The following SGPP1 variants were observed in gnomAD, a reference collection of about 807,000 sequenced individuals.
SGPP1 encodes sphingosine-1-phosphate phosphatase 1.
Under a neutral mutation model 33.0 loss-of-function variants are expected in SGPP1, and 21 were observed. The ratio of observed to expected loss-of-function variants is 0.64; its 90% confidence interval spans 0.45 to 0.92. SGPP1 has a LOEUF of 0.92. Among genes scored for constraint, SGPP1 ranks in the 40% least tolerant of loss-of-function variants. SGPP1 has a pLI of 0.00. For synonymous variants in SGPP1, 239 were observed against 241.2 expected, an observed-to-expected ratio of 0.99 and a Z score of 0.08; for missense variants, 543 against 589.4, an observed-to-expected ratio of 0.92 and a Z score of 0.81.
intron 1 of SGPP1, among the ~76,000 whole-genome samples, chr14:63,716,002 A>C (rs1031691983): frequency 9.9e-5 from 15 of 152,218 alleles, no homozygotes; most frequent in Admixed American, 8.5e-4. Context: ...CAAACCTAGA[A>C]GGATTTAAAC....
intron 1 of SGPP1, among the ~76,000 whole-genome samples, chr14:63,704,710 A>T (rs1022125552): frequency 6.6e-6 from 1 of 152,200 alleles, no homozygotes; most frequent in African/African-American, 2.4e-5. Context: ...CTTTAAAAAA[A>T]TTTTTAAAAG....
At position 63,684,622 on chromosome 14, in the gene SGPP1, TA is replaced by T. The variant is rs534202727; in HGVS notation, c.*1482del. Reference sequence around the variant, plus strand: ...CCCAAAATAGAAACATCTGAAGTGATAGTTCTGGATAATCATACAGATATTG... The same window carrying T: ...CCCAAAATAGAAACATCTGAAGTGATGTTCTGGATAATCATACAGATATTG... On this transcript the variant is annotated 3_prime_UTR_variant, in exon 3 of 3. Coordinates refer to ENST00000247225, the MANE Select transcript of SGPP1 (RefSeq NM_030791.4). 12 of 152,626 alleles carry T rather than the reference TA, an allele frequency of 7.9e-5. 1 individual carries two copies. The South Asian group carries it at 2.5e-3, about 32-fold the overall frequency. The allele number at this position is 152,626 out of a possible 1,614,324, so 9.5% of individuals were successfully genotyped here.
intron 2 of SGPP1, among the ~76,000 whole-genome samples, chr14:63,688,922 C>T (rs1037672818): frequency 9.9e-5 from 15 of 151,926 alleles, no homozygotes; most frequent in African/African-American, 2.4e-4. Context: ...GGGGTTTCAC[C>T]GTGTTAGCCA....
chr14:63,714,222 T>C (rs774073509), intron 1 of SGPP1, among the ~76,000 whole-genome samples: 3 of 152,198 alleles, frequency 2.0e-5, no homozygotes, highest in Admixed American at 1.3e-4. Context: ...TTGTGAAAGA[T>C]AAAATTTCTT....
chr14:63,700,005 A>C (rs1244835036), intron 1 of SGPP1, among the ~76,000 whole-genome samples: 1 of 151,814 alleles, frequency 6.6e-6, no homozygotes, highest in African/African-American at 2.4e-5. Flanking sequence ...CTCTGTCACC[A>C]AGGCTGATGT....
At chr14:63,699,750 G>T (rs1343901933) in intron 1 of SGPP1, among the ~76,000 whole-genome samples, 3 of 146,684 alleles carry the variant, frequency 2.0e-5, no homozygotes, top group Non-Finnish European at 3.0e-5. Context: ...GGTTGTTGTT[G>T]TTTTTTTTAC....
Position 63,709,065 on chromosome 14 carries a change from T to C in SGPP1, c.685-10407A>G, listed in dbSNP as rs150967976. On this transcript the variant is annotated intron_variant, in intron 1 of 2. Transcript: ENST00000247225. ...AATAAAAATTTCATCTAATTAGAGG[T>C]AGAAGAGAGCTTAAAGATACTAATT... Among the ~76,000 whole-genome samples, 114 of 152,276 alleles carry C rather than the reference T, an allele frequency of 7.5e-4. 2 individuals carry two copies. The East Asian group carries it at 0.013, about 17-fold the overall frequency.
At chr14:63,702,090 A>C (rs1885311995) in intron 1 of SGPP1, among the ~76,000 whole-genome samples, 1 of 152,188 alleles carries the variant, frequency 6.6e-6, no homozygotes, top group South Asian at 2.1e-4. Flanking sequence ...TCACCTATAG[A>C]GTCTCAGAAG....
At chr14:63,694,799 A>G (rs1169300690) in intron 2 of SGPP1, among the ~76,000 whole-genome samples, 3 of 152,186 alleles carry the variant, frequency 2.0e-5, no homozygotes, top group Admixed American at 6.5e-5. Context: ...TTTAGCAAAT[A>G]ATTTTAGCTA....
At chr14:63,694,307 C>T (rs1406337133) in intron 2 of SGPP1, among the ~76,000 whole-genome samples, 1 of 151,592 alleles carries the variant, frequency 6.6e-6, no homozygotes, top group Admixed American at 6.6e-5. Flanking sequence ...AGAAAAAATT[C>T]ATTAAATGTC....
At chr14:63,712,320 T>C (rs892400975) in intron 1 of SGPP1, among the ~76,000 whole-genome samples, 2 of 152,158 alleles carry the variant, frequency 1.3e-5, no homozygotes, top group Admixed American at 6.6e-5. Flanking sequence ...ACTTCTGGCT[T>C]CCCTCTGTAC....
At chr14:63,687,940 G>T (rs545131013) in intron 2 of SGPP1, among the ~76,000 whole-genome samples, 40 of 152,204 alleles carry the variant, frequency 2.6e-4, no homozygotes, top group Middle Eastern at 6.8e-3. Context: ...GGCCAACATG[G>T]TGAAACCCTG....
At chr14:63,712,459 T>C (rs1193098808) in intron 1 of SGPP1, among the ~76,000 whole-genome samples, 1 of 152,084 alleles carries the variant, frequency 6.6e-6, no homozygotes, top group Admixed American at 6.6e-5. Flanking sequence ...CCACAGCTAC[T>C]TGGATCAGGA....
intron 2 of SGPP1, among the ~76,000 whole-genome samples, chr14:63,689,490 T>C (rs1885051506): frequency 6.6e-6 from 1 of 152,050 alleles, no homozygotes; most frequent in African/African-American, 2.4e-5. Context: ...ACCACATATC[T>C]TCAAGCAAAA....
In SGPP1 at chr14:63,727,657, C is replaced by T. The variant is rs1885916777; in HGVS notation, c.288G>A (p.Glu96=). 8.9e-6 allele frequency: 12 copies of T among 1,346,392 alleles called. No individual in the cohort carries two copies. The highest frequency in any genetic ancestry group is 1.1e-5 in the Non-Finnish European group (12 of 1,057,428). The allele number at this position is 1,346,392 out of a possible 1,614,324, so 83.4% of individuals were successfully genotyped here. The stretch of plus-strand genomic sequence containing the variant: ...CGCGCCGCGGCGAGGCCGGGCCCAG[C>T]TCGGCCGCCAGCCCGTTCCGCACGC... ...PNGVRNGLAA[E]LGPASPRRAG... Residue 96 remains glutamate, a synonymous_variant, in exon 1 of 3, where the codon GAG becomes GAA. Transcript: ENST00000247225.
At chr14:63,700,684 A>G (rs1885278913) in intron 1 of SGPP1, among the ~76,000 whole-genome samples, 1 of 152,198 alleles carries the variant, frequency 6.6e-6, no homozygotes. Flanking sequence ...ACATGGAGAA[A>G]ATAAAAAGAG....
rs1338534298 is a variant in SGPP1, at chr14:63,727,988, C to T, written c.-44G>A. The T allele has an allele frequency of 6.7e-7, 1 of 1,499,914 alleles. No individual in the cohort carries two copies. Among genetic ancestry groups the T allele is most frequent in the Non-Finnish European group, 8.8e-7 (1 of 1,132,262 alleles). The allele number at this position is 1,499,914 out of a possible 1,614,324, so 92.9% of individuals were successfully genotyped here. A position where few individuals can be genotyped will look rare whatever the true frequency, so the allele number is the denominator to read the frequency against. On this transcript the variant is annotated 5_prime_UTR_variant, in exon 1 of 3. Transcript: ENST00000247225. Reference sequence around the variant, plus strand: ...AAGGCGGGCCGGCCTCCGGCGCAGCCCCGAACTGTCCCCGCGCTCCTGGCC... The same window carrying T: ...AAGGCGGGCCGGCCTCCGGCGCAGCTCCGAACTGTCCCCGCGCTCCTGGCC...
intron 1 of SGPP1, among the ~76,000 whole-genome samples, chr14:63,711,408 A>G (rs1885520148): frequency 6.6e-6 from 1 of 152,222 alleles, no homozygotes; most frequent in Admixed American, 6.5e-5. Flanking sequence ...CCAATAGGAT[A>G]TGTATATCTA....
intron 1 of SGPP1, among the ~76,000 whole-genome samples, chr14:63,703,546 G>A (rs1357899175): frequency 2.0e-5 from 3 of 151,382 alleles, no homozygotes; most frequent in African/African-American, 7.3e-5. Flanking sequence ...CCAGCTACTT[G>A]GGAGGCTGAA....
Sources: gnomAD v4.1 joint callset for allele counts (sites outside exome capture counted in the v4.1 genomes callset) on GRCh38, gnomAD v4.1.1 for gene constraint, MANE v1.5 for transcripts, NCBI Gene and HGNC (gene_info 2026-07-23, HGNC 2026-07-21) for gene names.